RNF144A: variants seen among roughly 807,000 people sequenced by gnomAD.
The protein encoded by RNF144A is E3 ubiquitin-protein ligase RNF144A.
In RNF144A, 11 loss-of-function variants were observed where a neutral mutation model predicts 38.7. That is an observed-to-expected ratio of 0.28 (90% CI 0.18 to 0.47). The LOEUF is 0.47. RNF144A is among the 20% of genes least tolerant of loss of function. The pLI is 0.99. For synonymous variants in RNF144A, 149 were observed against 143.9 expected, an observed-to-expected ratio of 1.04 and a Z score of -0.25; for missense variants, 316 against 377.2, an observed-to-expected ratio of 0.84 and a Z score of 1.34.
chr2:7,004,746 C>T (rs309320), intron 3 of RNF144A, among the ~76,000 whole-genome samples: 121,765 of 152,212 alleles, frequency 0.8, 48,823 homozygotes, highest in South Asian at 0.92. Context: ...AGGACTTCGA[C>T]GTTTCTCAGC....
chr2:7,044,089 A>C lies in RNF144A; in HGVS notation c.*4329A>C. 1 of 984,174 alleles carries C rather than the reference A, an allele frequency of 1.0e-6. No homozygotes were observed. The highest frequency in any genetic ancestry group is 1.2e-6 in the Non-Finnish European group (1 of 828,396). The allele number at this position is 984,174 out of a possible 1,614,324, so 61.0% of individuals were successfully genotyped here. Reference sequence around the variant, plus strand: ...ATTTGTAATTTCAATACATATTTTAAATGTATTGTGTCTTACGTAGTTTGT... The same window carrying C: ...ATTTGTAATTTCAATACATATTTTACATGTATTGTGTCTTACGTAGTTTGT... On this transcript the variant is annotated 3_prime_UTR_variant, in exon 9 of 9. Coordinates refer to ENST00000320892, the MANE Select transcript of RNF144A (RefSeq NM_014746.6).
Position 7,020,574 on chromosome 2 carries a change from T to C in RNF144A, c.403T>C (p.Cys135Arg). 1 of 1,613,002 alleles carries C rather than the reference T, an allele frequency of 6.2e-7. No individual in the cohort carries two copies. Among genetic ancestry groups the C allele is most frequent in the Non-Finnish European group, 8.5e-7 (1 of 1,180,006 alleles). The change falls in exon 6 of 9, where the codon TGC (cysteine) becomes CGC (arginine). Residue 135 changes from cysteine to arginine, a missense_variant. Cys to Arg is a radical substitution (Grantham distance 180). Coordinates refer to ENST00000320892, the MANE Select transcript of RNF144A (RefSeq NM_014746.6). ...VGLQTPQPVQ[C>R]KACRMEFCST... ...GCTGCAGACCCCCCAGCCAGTGCAG[T>C]GCAAAGCCTGCCGTATGGAATTCTG...
At chr2:7,000,759 T>TA (rs1427960093) in intron 3 of RNF144A, among the ~76,000 whole-genome samples, 5 of 151,296 alleles carry the variant, frequency 3.3e-5, no homozygotes, top group South Asian at 2.1e-4. Flanking sequence ...TATTAGTTCT[T>TA]AAAAAAAACA....
chr2:7,062,011 C>T (rs1010674978), intron 6 of RNF144A, among the ~76,000 whole-genome samples: 7 of 152,134 alleles, frequency 4.6e-5, no homozygotes, highest in Admixed American at 6.5e-5. Flanking sequence ...TTGTTATTGT[C>T]CCTGAGTTGA....
chr2:7,013,766 T>C (rs1670967283), intron 3 of RNF144A, among the ~76,000 whole-genome samples: 1 of 152,244 alleles, frequency 6.6e-6, no homozygotes, highest in South Asian at 2.1e-4. Context: ...TTAACTCTAC[T>C]TCATGTCCTT....
chr2:7,004,220 C>T (rs546959047), intron 3 of RNF144A, among the ~76,000 whole-genome samples: 3 of 152,358 alleles, frequency 2.0e-5, no homozygotes, highest in East Asian at 3.9e-4. Context: ...CTTTTGCTTT[C>T]ATCTCCATCC....
intron 3 of RNF144A, among the ~76,000 whole-genome samples, chr2:7,010,923 C>CAGT (rs1393254394): frequency 6.6e-6 from 1 of 152,142 alleles, no homozygotes; most frequent in Non-Finnish European, 1.5e-5. Flanking sequence ...CTTTCCCCTA[C>CAGT]ACTGGGCTGT....
chr2:7,051,745 T>C (rs1673535500), intron 6 of RNF144A, among the ~76,000 whole-genome samples: 1 of 152,254 alleles, frequency 6.6e-6, no homozygotes. Context: ...AAAAATTAGC[T>C]GGGCATGGCG....
At chr2:6,956,903 T>C (rs1307341463) in intron 2 of RNF144A, among the ~76,000 whole-genome samples, 1 of 152,228 alleles carries the variant, frequency 6.6e-6, no homozygotes, top group African/African-American at 2.4e-5. Context: ...TAGAAAATCA[T>C]GTGAAAATGA....
At chr2:6,996,883 G>T in intron 2 of RNF144A, 33 bp from the exon 3 acceptor site, 2 of 1,601,154 alleles carry the variant, frequency 1.2e-6, no homozygotes, top group East Asian at 2.2e-5. Flanking sequence ...CAGGGGTGGG[G>T]AGGTCTGACC....
chr2:7,069,318 A>G (rs953397018), downstream of RNF144A, among the ~76,000 whole-genome samples: 2 of 152,274 alleles, frequency 1.3e-5, no homozygotes, highest in African/African-American at 4.8e-5. Context: ...TTTCTCTCTT[A>G]ATTTTTAGCA....
intron 2 of RNF144A, among the ~76,000 whole-genome samples, chr2:6,985,268 CTCTT>C (rs150002010): frequency 0.26 from 33,832 of 128,046 alleles, 5,297 homozygotes; most frequent in Non-Finnish European, 0.37. Flanking sequence ...TCCCTCCCCC[CTCTT>C]TTTTTTTTTT....
intron 3 of RNF144A, among the ~76,000 whole-genome samples, chr2:7,000,138 G>T (rs1389271134): frequency 1.3e-5 from 2 of 152,230 alleles, no homozygotes; most frequent in African/African-American, 4.8e-5. Flanking sequence ...TTCTCTGGAG[G>T]TCACAAGAGC....
chr2:6,954,968 G>C (rs1192448912), intron 2 of RNF144A, among the ~76,000 whole-genome samples: 1 of 152,134 alleles, frequency 6.6e-6, no homozygotes, highest in Non-Finnish European at 1.5e-5. Context: ...TAAAAAGATA[G>C]TGTTATTTTT....
intron 2 of RNF144A, among the ~76,000 whole-genome samples, chr2:6,989,840 T>C (rs1322899184): frequency 6.6e-6 from 1 of 152,110 alleles, no homozygotes; most frequent in East Asian, 1.9e-4. Context: ...GAATGTCATA[T>C]AATTAGAATC....
intron 3 of RNF144A, among the ~76,000 whole-genome samples, chr2:7,011,023 G>A (rs111761336): frequency 2.6e-4 from 39 of 152,318 alleles, no homozygotes; most frequent in African/African-American, 8.4e-4. Context: ...GGTTCTCGGG[G>A]TTGACTGACA....
intron 1 of RNF144A, among the ~76,000 whole-genome samples, chr2:6,930,580 C>T (rs1000404316): frequency 4.0e-5 from 6 of 151,632 alleles, no homozygotes; most frequent in Non-Finnish European, 7.4e-5. Flanking sequence ...TACATACATA[C>T]GTGTATATAT....
Position 6,950,801 on chromosome 2 carries a change from A to AC in RNF144A, c.-12+9656dup, listed in dbSNP as rs766771744. On this transcript the variant is annotated intron_variant, in intron 2 of 8. Transcript: ENST00000320892. Reference sequence around the variant, plus strand: ...TGAGCTACTTTCCCCATGTTTAATCACCATCTGTTTTGTCCACTGTAAAAT... The same window carrying AC: ...TGAGCTACTTTCCCCATGTTTAATCACCCATCTGTTTTGTCCACTGTAAAAT... Among the ~76,000 whole-genome samples the AC allele has an allele frequency of 1.1e-4, 16 of 152,284 alleles. No individual in the cohort carries two copies. The South Asian group carries it at 3.1e-3, about 30-fold the overall frequency.
Position 6,917,754 on chromosome 2 carries a change from G to T in RNF144A, c.-212+132G>T, listed in dbSNP as rs75816763. On this transcript the variant is annotated intron_variant, in intron 1 of 8. Transcript: ENST00000320892. This position sits in a 1 kb window ranked among gnomAD's most constrained non-coding sequence, Gnocchi z 4.8. Reference sequence around the variant, plus strand: ...GGCCGCGCCTGCCCCGCTGGGTCCTGCCCCGGCGCCCGGTGGCAGCGGGCG... The same window carrying T: ...GGCCGCGCCTGCCCCGCTGGGTCCTTCCCCGGCGCCCGGTGGCAGCGGGCG... 37,876 of 148,938 alleles carry T rather than the reference G, an allele frequency of 0.25. 5,227 individuals carry two copies. Among genetic ancestry groups the T allele is most frequent in the Middle Eastern group, 0.35 (101 of 290 alleles). The allele number at this position is 148,938 out of a possible 1,614,324, so 9.2% of individuals were successfully genotyped here. A position where few individuals can be genotyped will look rare whatever the true frequency, so the allele number is the denominator to read the frequency against.
Sources: allele counts gnomAD v4.1 joint callset (sites outside exome capture counted in the v4.1 genomes callset), GRCh38; gene constraint gnomAD v4.1.1; non-coding constraint Gnocchi (gnomAD v3.1); transcripts MANE v1.5; gene names NCBI Gene and HGNC (gene_info 2026-07-23, HGNC 2026-07-21).